The following MCF2 variants were observed in gnomAD, a reference collection of about 807,000 sequenced individuals.
The protein encoded by MCF2 is MCF.2 cell line derived transforming sequence.
In MCF2, 44 loss-of-function variants were observed where a neutral mutation model predicts 82.5. The ratio of observed to expected loss-of-function variants is 0.53; its 90% CI spans 0.42 to 0.69. MCF2 has a LOEUF of 0.69. Among genes scored for constraint, MCF2 ranks in the 30% least tolerant of loss-of-function variants. MCF2 has a pLI of 0.00. For synonymous variants in MCF2, 217 were observed against 224.9 expected, an observed-to-expected ratio of 0.96 and a Z score of 0.32; for missense variants, 623 against 663.1, an observed-to-expected ratio of 0.94 and a Z score of 0.66.
chrX:139,623,228 G>T (rs1242546228), intron 6 of MCF2, among the ~76,000 whole-genome samples: 1 of 111,448 alleles, frequency 9.0e-6, no homozygotes, highest in Non-Finnish European at 1.9e-5. Context: ...CCATTACTGA[G>T]TATATACCCA....
At chrX:139,603,993 T>C (rs1189583587) in intron 15 of MCF2, among the ~76,000 whole-genome samples, 1 of 111,969 alleles carries the variant, frequency 8.9e-6, no homozygotes, top group Non-Finnish European at 1.9e-5. Flanking sequence ...TTGAATTAAC[T>C]CTTAAATCAA....
chrX:139,636,362 C>T (rs145626216), intron 1 of MCF2, among the ~76,000 whole-genome samples: 1 of 111,914 alleles, frequency 8.9e-6, no homozygotes, highest in African/African-American at 3.2e-5. Context: ...ATTGAAAGCA[C>T]CCTACTTTTG....
chrX:139,595,420 C>G (rs1929974250), intron 19 of MCF2, among the ~76,000 whole-genome samples: 1 of 108,797 alleles, frequency 9.2e-6, no homozygotes, highest in Non-Finnish European at 1.9e-5. Flanking sequence ...AGTTCATGTC[C>G]TTTGTAGGGA....
Position 139,686,061 on chromosome X carries a change from C to T in MCF2, c.-45+22045G>A, listed in dbSNP as rs200026280. On this transcript the variant is annotated intron_variant, in intron 1 of 27. Transcript: ENST00000414978. ...AAGGCTTTTGACAAAATTCAACACCCCTTCACGTTAAAAAAAAAAAAAAAC... is the reference window on the plus strand; with the variant it reads ...AAGGCTTTTGACAAAATTCAACACCTCTTCACGTTAAAAAAAAAAAAAAAC... Among the ~76,000 whole-genome samples, 51 of 47,147 alleles carry T rather than the reference C, an allele frequency of 1.1e-3. No homozygotes were observed. In the East Asian group the frequency reaches 0.02, roughly 19 times the overall value. 40.9% of individuals were successfully genotyped at this position (47,147 alleles called of 115,157 possible).
chrX:139,618,391 A>G (rs1932088532), intron 7 of MCF2, among the ~76,000 whole-genome samples: 2 of 111,388 alleles, frequency 1.8e-5, no homozygotes, highest in Admixed American at 1.9e-4. Flanking sequence ...ATAAGGTGAA[A>G]AAGTTCTGGA....
At chrX:139,700,356 G>A (rs989016704) in intron 1 of MCF2, among the ~76,000 whole-genome samples, 4 of 111,806 alleles carry the variant, frequency 3.6e-5, no homozygotes, top group African/African-American at 1.3e-4. Flanking sequence ...CATCCTGTCT[G>A]GAGGCACTCA....
chrX:139,630,741 A>C (rs1227148400), intron 3 of MCF2, among the ~76,000 whole-genome samples: 1 of 111,987 alleles, frequency 8.9e-6, no homozygotes, highest in Non-Finnish European at 1.9e-5. Context: ...CTGGGATTAG[A>C]AGTCAAGATA....
chrX:139,650,830 T>A (rs1174343084), intron 2 of MCF2, among the ~76,000 whole-genome samples: 1 of 111,897 alleles, frequency 8.9e-6, no homozygotes, highest in Non-Finnish European at 1.9e-5. Flanking sequence ...GGAATATACA[T>A]AAAATGGATT....
At chrX:139,591,803 G>A (rs1240223737) in intron 19 of MCF2, among the ~76,000 whole-genome samples, 1 of 109,409 alleles carries the variant, frequency 9.1e-6, no homozygotes, top group African/African-American at 3.3e-5. Context: ...CTCAGTACCT[G>A]GGTGATGGGA....
chrX:139,651,149 GCTGAACTGTACT>G (rs1184797406), intron 2 of MCF2, among the ~76,000 whole-genome samples: 1 of 98,853 alleles, frequency 1.0e-5, no homozygotes, highest in Non-Finnish European at 1.9e-5. Context: ...ACTTAATGCC[GCTGAACTGTACT>G]CTTCAAAATG....
At chrX:139,665,746 G>A (rs1403534762) in intron 1 of MCF2, among the ~76,000 whole-genome samples, 1 of 108,346 alleles carries the variant, frequency 9.2e-6, no homozygotes, top group East Asian at 2.9e-4. Context: ...CTTCTATTCT[G>A]CCATCCTGCT....
upstream of MCF2, chrX:139,646,741 G>A (rs1324995488): frequency 1.6e-6 from 1 of 612,490 alleles, no homozygotes; most frequent in East Asian, 3.9e-5. Context: ...CATTCAGATG[G>A]ATATCTGATA....
At chrX:139,675,772 G>A (rs1036129384) in intron 1 of MCF2, among the ~76,000 whole-genome samples, 3 of 112,508 alleles carry the variant, frequency 2.7e-5, no homozygotes, top group Non-Finnish European at 5.6e-5. Flanking sequence ...TAGGCTACAC[G>A]GAGGTCAGGG....
intron 1 of MCF2, among the ~76,000 whole-genome samples, chrX:139,700,732 T>C (rs1416074694): frequency 8.9e-6 from 1 of 112,404 alleles, no homozygotes; most frequent in Non-Finnish European, 1.9e-5. Flanking sequence ...GGCTGTTTCA[T>C]GCAATAATTA....
chrX:139,633,174 T>A (rs1028153342), intron 1 of MCF2, among the ~76,000 whole-genome samples: 2 of 111,103 alleles, frequency 1.8e-5, no homozygotes, highest in African/African-American at 6.5e-5. Flanking sequence ...GTTAACTGGA[T>A]CAGAATGTTG....
At chrX:139,636,415 T>C (rs1212720651) in intron 1 of MCF2, among the ~76,000 whole-genome samples, 1 of 112,006 alleles carries the variant, frequency 8.9e-6, no homozygotes, top group Non-Finnish European at 1.9e-5. Flanking sequence ...TCATGGATTC[T>C]AAGTTGATCT....
chrX:139,667,384 A>G (rs1036430857), intron 1 of MCF2, among the ~76,000 whole-genome samples: 5 of 110,966 alleles, frequency 4.5e-5, no homozygotes, highest in African/African-American at 1.6e-4. Context: ...CTAGCATTAC[A>G]GGCATGAGCC....
intron 1 of MCF2, among the ~76,000 whole-genome samples, chrX:139,687,306 T>A (rs993809643): frequency 8.9e-6 from 1 of 112,828 alleles, no homozygotes; most frequent in Non-Finnish European, 1.9e-5. Flanking sequence ...ACATCTGCCA[T>A]AAACATACAA....
At chrX:139,676,576 C>T (rs971747152) in intron 1 of MCF2, among the ~76,000 whole-genome samples, 2 of 111,955 alleles carry the variant, frequency 1.8e-5, no homozygotes, top group Non-Finnish European at 3.8e-5. Flanking sequence ...CCAGCTGTAC[C>T]ACTTGGTAGT....
Sources: gnomAD v4.1 joint callset for allele counts (sites outside exome capture counted in the v4.1 genomes callset) on GRCh38, gnomAD v4.1.1 for gene constraint, MANE v1.5 for transcripts, NCBI Gene and HGNC (gene_info 2026-07-23, HGNC 2026-07-21) for gene names.